Variants in NRXN3 observed in about 807,000 individuals in gnomAD.
NRXN3 encodes neurexin III.
Under a neutral mutation model 137.6 loss-of-function variants are expected in NRXN3, and 32 were observed. That is an observed-to-expected ratio of 0.23 (90% CI 0.18 to 0.31). The LOEUF is 0.31. NRXN3 is among the 10% of genes least tolerant of loss of function. The probability of loss-of-function intolerance (pLI) is 1.00; values close to 1 mark genes in which losing one functional copy is unlikely to be tolerated. For missense variants in NRXN3, 1,574 were observed against 2,062.5 expected (o/e 0.76, Z 4.59); for synonymous variants, 798 against 784.5 (o/e 1.02, Z -0.29).
chr14:79,652,345 T>A (rs1446604955), intron 16 of NRXN3, among the ~76,000 whole-genome samples: 1 of 152,126 alleles, frequency 6.6e-6, no homozygotes, highest in Non-Finnish European at 1.5e-5. Context: ...GCCCTTTAAA[T>A]GTCAAAAAAT....
chr14:78,617,098 G>T (rs1342544655), intron 4 of NRXN3, among the ~76,000 whole-genome samples: 1 of 151,980 alleles, frequency 6.6e-6, no homozygotes, highest in Non-Finnish European at 1.5e-5. Flanking sequence ...AAGCAGCTTG[G>T]TTAAAAAACA....
chr14:78,455,294 C>A (rs2094664220), intron 4 of NRXN3, among the ~76,000 whole-genome samples: 1 of 152,212 alleles, frequency 6.6e-6, no homozygotes. Context: ...ACATCCTTCC[C>A]ATTCCTTTCA....
At chr14:79,234,092 C>T (rs919252312) in intron 15 of NRXN3, among the ~76,000 whole-genome samples, 1 of 150,472 alleles carries the variant, frequency 6.6e-6, no homozygotes, top group Non-Finnish European at 1.5e-5. Context: ...AGGATATTTC[C>T]TCTCAAGACA....
At chr14:79,277,431 T>C (rs2080468023) in intron 15 of NRXN3, among the ~76,000 whole-genome samples, 2 of 152,174 alleles carry the variant, frequency 1.3e-5, no homozygotes, top group Admixed American at 6.5e-5. Flanking sequence ...TTATCATGGA[T>C]ATTTAGGATA....
intron 4 of NRXN3, among the ~76,000 whole-genome samples, chr14:78,613,789 A>C (rs558587293): frequency 1.3e-5 from 2 of 152,158 alleles, no homozygotes; most frequent in East Asian, 3.9e-4. Context: ...TCCTAACAGA[A>C]CATACATAGC....
intron 15 of NRXN3, among the ~76,000 whole-genome samples, chr14:79,028,944 T>A (rs377551033): frequency 2.0e-5 from 3 of 151,994 alleles, no homozygotes; most frequent in African/African-American, 7.2e-5. Flanking sequence ...AGAGAAAGCA[T>A]TGGGATGGGG....
chr14:78,236,633 G>C (rs2066341242), intron 1 of NRXN3, among the ~76,000 whole-genome samples: 1 of 152,066 alleles, frequency 6.6e-6, no homozygotes, highest in Non-Finnish European at 1.5e-5. Flanking sequence ...TTCAGCTTTA[G>C]TAGATACTGC....
intron 4 of NRXN3, among the ~76,000 whole-genome samples, chr14:78,383,249 C>G (rs1178893305): frequency 6.6e-6 from 1 of 152,110 alleles, no homozygotes. Flanking sequence ...ATCAGGCTTC[C>G]CTGCCAAGGT....
At chr14:79,771,718 G>C (rs2099079267) in intron 19 of NRXN3, among the ~76,000 whole-genome samples, 1 of 104,404 alleles carries the variant, frequency 9.6e-6, no homozygotes, top group African/African-American at 3.9e-5. Flanking sequence ...ACTGGCACAA[G>C]ACAGGGATGC....
intron 10 of NRXN3, among the ~76,000 whole-genome samples, chr14:78,954,433 T>A (rs1310498110): frequency 3.3e-5 from 5 of 152,178 alleles, no homozygotes. Flanking sequence ...AGGTATCAAA[T>A]GTAACTAAAT....
intron 8 of NRXN3, among the ~76,000 whole-genome samples, chr14:78,801,857 T>C (rs2098840155): frequency 6.6e-6 from 1 of 152,216 alleles, no homozygotes; most frequent in African/African-American, 2.4e-5. Flanking sequence ...GCCTTCATCC[T>C]TCAGCTTCCC....
intron 4 of NRXN3, among the ~76,000 whole-genome samples, chr14:78,303,692 C>T (rs971785307): frequency 6.6e-6 from 1 of 152,158 alleles, no homozygotes; most frequent in African/African-American, 2.4e-5. Flanking sequence ...ACTGCATTCT[C>T]CTGCCTTTGG....
In NRXN3 at chr14:78,916,435, G is replaced by A. The variant is rs1011599508; in HGVS notation, c.2276-40807G>A. Among the ~76,000 whole-genome samples, 4 of 152,270 alleles carry A rather than the reference G, an allele frequency of 2.6e-5. No individual in the cohort carries two copies. The East Asian group carries it at 7.7e-4, about 29-fold the overall frequency. Reference sequence around the variant, plus strand: ...TGGTAGGTCACAGAAGCTTGTCCGAGGTGAGGACTTTGGGCTGAGTCCTGA... The same window carrying A: ...TGGTAGGTCACAGAAGCTTGTCCGAAGTGAGGACTTTGGGCTGAGTCCTGA... On this transcript the variant is annotated intron_variant, in intron 10 of 20. Transcript: ENST00000335750.
At chr14:78,955,449 C>T (rs1405421929) in intron 10 of NRXN3, among the ~76,000 whole-genome samples, 2 of 152,132 alleles carry the variant, frequency 1.3e-5, no homozygotes, top group Admixed American at 6.5e-5. Flanking sequence ...AATATTGAGA[C>T]AAACATACAA....
chr14:79,703,798 A>C (rs909170714), intron 19 of NRXN3, among the ~76,000 whole-genome samples: 1 of 152,134 alleles, frequency 6.6e-6, no homozygotes, highest in East Asian at 1.9e-4. Flanking sequence ...AAGTGGCCTT[A>C]CAGTACCTTT....
intron 15 of NRXN3, among the ~76,000 whole-genome samples, chr14:79,220,125 C>G (rs1367033650): frequency 1.3e-5 from 2 of 152,154 alleles, no homozygotes; most frequent in Non-Finnish European, 2.9e-5. Context: ...ATCTTTATTT[C>G]TTAGTTTCAC....
intron 15 of NRXN3, among the ~76,000 whole-genome samples, chr14:79,283,247 A>C (rs1158083565): frequency 6.6e-6 from 1 of 152,188 alleles, no homozygotes; most frequent in Non-Finnish European, 1.5e-5. Context: ...AATGCCCTTG[A>C]TTTTGGTATG....
Position 79,502,499 on chromosome 14 carries a change from TTC to T in NRXN3, c.3444+35106_3444+35107del, listed in dbSNP as rs1371380126. ...AAACTGGAAGCAGTTCTCATTCATA[TTC>T]TCTCTCTCGCCACACCCCCCACCCC... On this transcript the variant is annotated intron_variant, in intron 16 of 20. Coordinates refer to ENST00000335750, the MANE Select transcript of NRXN3 (RefSeq NM_001330195.2). 5.3e-5 allele frequency among the ~76,000 whole-genome samples: 8 copies of T among 152,018 alleles called. No homozygotes were observed. In the East Asian group the frequency reaches 9.7e-4, roughly 18 times the overall value.
At chr14:79,552,146 G>T (rs567895611) in intron 16 of NRXN3, among the ~76,000 whole-genome samples, 2 of 152,300 alleles carry the variant, frequency 1.3e-5, no homozygotes, top group Admixed American at 6.5e-5. Flanking sequence ...TGTTTATTCA[G>T]TGAATCAAAA....
Sources: gnomAD v4.1 joint callset for allele counts (sites outside exome capture counted in the v4.1 genomes callset) on GRCh38, gnomAD v4.1.1 for gene constraint, MANE v1.5 for transcripts, NCBI Gene and HGNC (gene_info 2026-07-23, HGNC 2026-07-21) for gene names.